NF1: variants seen among roughly 807,000 people sequenced by gnomAD.
NF1 encodes neurofibromin 1.
Under a neutral mutation model 325.7 loss-of-function variants are expected in NF1, and 122 were observed. The ratio of observed to expected loss-of-function variants is 0.37; its 90% CI spans 0.32 to 0.44. The LOEUF (loss-of-function observed/expected upper bound fraction) is 0.44. Among genes scored for constraint, NF1 ranks in the 20% least tolerant of loss-of-function variants. The probability of loss-of-function intolerance (pLI) is 1.00; values close to 1 mark genes in which losing one functional copy is unlikely to be tolerated. For missense variants in NF1, 2,140 were observed against 3,415.4 expected (o/e 0.63, Z 9.31); for synonymous variants, 1,091 against 1,186.0 (o/e 0.92, Z 1.65).
intron 29 of NF1, among the ~76,000 whole-genome samples, chr17:31,241,424 C>G (rs1371019995): frequency 6.6e-6 from 1 of 152,134 alleles, no homozygotes; most frequent in African/African-American, 2.4e-5. Flanking sequence ...TCTCTTCCTC[C>G]TTTTCTTCCT....
chr17:31,129,449 A>G (rs1394742795), intron 1 of NF1, among the ~76,000 whole-genome samples: 2 of 139,354 alleles, frequency 1.4e-5, no homozygotes, highest in African/African-American at 5.1e-5. Flanking sequence ...CGATTGCATT[A>G]TGAAATTTTT....
At chr17:31,250,378 A>G (rs1188119618) in intron 30 of NF1, 1 of 217,226 alleles carries the variant, frequency 4.6e-6, no homozygotes, top group Admixed American at 5.4e-5. Context: ...AACTAGGCAG[A>G]CAGGAAATAG....
chr17:31,120,227 C>G (rs1914314392), intron 1 of NF1, among the ~76,000 whole-genome samples: 1 of 152,184 alleles, frequency 6.6e-6, no homozygotes. Context: ...GATATCGATT[C>G]TTCCTATTCA....
At chr17:31,351,369 C>G (rs1027036264) in intron 50 of NF1, among the ~76,000 whole-genome samples, 1 of 152,062 alleles carries the variant, frequency 6.6e-6, no homozygotes. Context: ...TGTTAATTTG[C>G]TTGATTTAGC....
intron 6 of NF1, 64 bp downstream of exon 6, chr17:31,181,553 T>TA: frequency 6.0e-6 from 9 of 1,495,784 alleles, no homozygotes; most frequent in Non-Finnish European, 8.4e-6. Flanking sequence ...GTTGTTAGCA[T>TA]CCTGAATCAA....
At chr17:31,177,259 G>C (rs1443560490) in intron 5 of NF1, among the ~76,000 whole-genome samples, 1 of 152,124 alleles carries the variant, frequency 6.6e-6, no homozygotes, top group Non-Finnish European at 1.5e-5. Context: ...AGCCTCTGCT[G>C]GTGATACTCT....
chr17:31,374,044 T>A lies in NF1; in HGVS notation c.8409T>A (p.Pro2803=), dbSNP rs748507988. 1 of 1,614,102 alleles carries A rather than the reference T, an allele frequency of 6.2e-7. No individual in the cohort carries two copies. The highest frequency in any genetic ancestry group is 1.1e-5 in the South Asian group (1 of 91,088). ...ACAAGGAGAACGTTGAACTCTCCCC[T>A]ACCACTGGCCACTGTAACAGTGGAC... ...GIDKENVELS[P]TTGHCNSGRT... The change falls in exon 58 of 58, where the codon CCT becomes CCA. Residue 2803 remains proline, a synonymous_variant. Transcript: ENST00000358273.
intron 57 of NF1, among the ~76,000 whole-genome samples, chr17:31,363,846 T>C (rs1195764800): frequency 2.0e-5 from 3 of 151,892 alleles, no homozygotes; most frequent in Non-Finnish European, 4.4e-5. Flanking sequence ...GTTCAAGCTA[T>C]TCCCCTGCCT....
rs864622210 is a variant in NF1, at chr17:31,095,326, C to G, written c.17C>G (p.Pro6Arg). The change falls in exon 1 of 58, where the codon CCG (proline) becomes CGG (arginine). Residue 6 changes from proline (P) to arginine (R), a missense_variant. By Grantham distance (103) the Pro-to-Arg change is moderately radical (BLOSUM62 -2). Transcript: ENST00000358273. MAAHR[P>R]VEWVQAVVSR... ...GGGGAGGACATGGCCGCGCACAGGC[C>G]GGTGGAATGGGTCCAGGCCGTGGTC... The G allele has an allele frequency of 6.5e-7, 1 of 1,538,730 alleles. No individual in the cohort carries two copies. The highest frequency in any genetic ancestry group is 2.0e-5 in the Admixed American group (1 of 50,926).
At chr17:31,098,204 CTT>C (rs1376349672) in intron 1 of NF1, among the ~76,000 whole-genome samples, 1 of 151,070 alleles carries the variant, frequency 6.6e-6, no homozygotes, top group Admixed American at 6.6e-5. Flanking sequence ...TTGAAAATGT[CTT>C]TTAGTCAGAA....
At chr17:31,104,070 G>T (rs1443399024) in intron 1 of NF1, among the ~76,000 whole-genome samples, 6 of 151,406 alleles carry the variant, frequency 4.0e-5, no homozygotes, top group Admixed American at 2.6e-4. Context: ...TTTTTTATTT[G>T]GGTACCGGCC....
chr17:31,257,204 C>T (rs1432869243), intron 31 of NF1, among the ~76,000 whole-genome samples: 1 of 152,004 alleles, frequency 6.6e-6, no homozygotes, highest in Non-Finnish European at 1.5e-5. Flanking sequence ...AAATCTGGGT[C>T]CCCTCCCACC....
At chr17:31,158,671 G>A (rs960367107) in intron 2 of NF1, among the ~76,000 whole-genome samples, 3 of 152,004 alleles carry the variant, frequency 2.0e-5, no homozygotes, top group Non-Finnish European at 4.4e-5. Flanking sequence ...TGATCATTTC[G>A]TGGCATAAAA....
intron 36 of NF1, among the ~76,000 whole-genome samples, chr17:31,322,093 A>G (rs1475364712): frequency 3.5e-5 from 2 of 56,642 alleles, no homozygotes; most frequent in Non-Finnish European, 1.0e-4. Flanking sequence ...TAGTGTGTGT[A>G]TACACACACA....
chr17:31,229,725 C>A, intron 21 of NF1, 110 bp from the exon 22 acceptor site: 1 of 1,373,648 alleles, frequency 7.3e-7, no homozygotes, highest in Non-Finnish European at 1.0e-6. Flanking sequence ...TGGCTCTATG[C>A]CTGTGGGTGC....
Position 31,341,688 on chromosome 17 carries a change from G to GGTGT in NF1, c.7062+1057_7062+1060dup, listed in dbSNP as rs142968323. ...TAAATGTTAGGAGGGGTGCTAATGGGGTGTGTGTGTGTGTGTGCACGTGTG... is the reference window on the plus strand; with the variant it reads ...TAAATGTTAGGAGGGGTGCTAATGGGGTGTGTGTGTGTGTGTGTGTGCACGTGTG... On this transcript the variant is annotated intron_variant, in intron 47 of 57. Transcript: ENST00000358273. 6.8e-5 allele frequency among the ~76,000 whole-genome samples: 10 copies of GGTGT among 147,118 alleles called. No homozygotes were observed. In the South Asian group the frequency reaches 2.2e-3, roughly 32 times the overall value.
chr17:31,147,631 G>C (rs892743217), intron 1 of NF1, among the ~76,000 whole-genome samples: 3 of 152,138 alleles, frequency 2.0e-5, no homozygotes, highest in Admixed American at 2.0e-4. Flanking sequence ...GGTAAGTACT[G>C]AGTTACATGC....
intron 36 of NF1, chr17:31,296,458 T>C: frequency 2.2e-6 from 2 of 902,084 alleles, no homozygotes; most frequent in Non-Finnish European, 3.7e-6. Context: ...CCTTTTATAA[T>C]TGTTCCAGTG....
chr17:31,142,791 C>G (rs570173542), intron 1 of NF1, among the ~76,000 whole-genome samples: 2 of 151,688 alleles, frequency 1.3e-5, no homozygotes, highest in Non-Finnish European at 2.9e-5. Flanking sequence ...GGCATGAACC[C>G]GGGAGGCGGA....
Sources: gnomAD v4.1 joint callset for allele counts (sites outside exome capture counted in the v4.1 genomes callset) on GRCh38, gnomAD v4.1.1 for gene constraint, MANE v1.5 for transcripts, NCBI Gene and HGNC (gene_info 2026-07-23, HGNC 2026-07-21) for gene names.